Variants in NOL3 observed in about 807,000 individuals in gnomAD.
NOL3 encodes nucleolar protein 3, also known as muscle-enriched cytoplasmic protein.
NOL3 carries 18 observed loss-of-function variants against 19.2 expected under a neutral mutation model. That is an observed-to-expected ratio of 0.94 (90% CI 0.65 to 1.39). NOL3 has a LOEUF of 1.39. Ranked by LOEUF, NOL3 falls within the 40% of genes most tolerant of loss-of-function variation. The probability of loss-of-function intolerance (pLI) is 0.00; values close to 1 mark genes in which losing one functional copy is unlikely to be tolerated. For missense variants in NOL3, 290 were observed against 289.5 expected (o/e 1.00, Z -0.01); for synonymous variants, 127 against 137.3 (o/e 0.93, Z 0.52).
chr16:67,174,445 C>A, exon 2 of NOL3: 1 of 1,509,844 alleles, frequency 6.6e-7, no homozygotes, highest in Non-Finnish European at 8.8e-7. Context: ...CCGCTTGGGA[C>A]TGGCAGCACG....
chr16:67,174,156 A>G lies in NOL3; in HGVS notation c.-8-6A>G. 6.2e-7 allele frequency: 1 copy of G among 1,605,936 alleles called. No individual in the cohort carries two copies. The highest frequency in any genetic ancestry group is 1.7e-4 in the Middle Eastern group (1 of 6,034). ...CCCATTACTTCTCTCCCCTTTCCCC[A>G]TGCAGCCCCGACAATGGGCAACGCG... is the stretch of plus-strand genomic sequence containing the variant. On this transcript the variant is annotated splice_region_variant and splice_polypyrimidine_tract_variant and intron_variant, in intron 1 of 3. Transcript: ENST00000268605.
At chr16:67,175,240 T>C (rs772371544) in exon 4 of NOL3, 3 of 1,487,204 alleles carry the variant, frequency 2.0e-6, no homozygotes, top group Non-Finnish European at 2.7e-6. Flanking sequence ...GAACTTAGGG[T>C]GGGTACCTCT....
exon 4 of NOL3, chr16:67,175,399 C>A: frequency 8.6e-7 from 1 of 1,168,372 alleles, no homozygotes; most frequent in Non-Finnish European, 1.1e-6. Context: ...TGCCCGCATA[C>A]ACAACCCATT....
At chr16:67,173,752 G>A (rs920947053) in intron 1 of NOL3, 1 of 940,444 alleles carries the variant, frequency 1.1e-6, no homozygotes, top group Non-Finnish European at 1.6e-6. Context: ...CTGGTTAGGT[G>A]GGGAAGCAGA....
At chr16:67,172,608 C>CAA (rs5817617) in intron 1 of NOL3, among the ~76,000 whole-genome samples, 7,638 of 120,054 alleles carry the variant, frequency 0.064, 612 homozygotes, top group African/African-American at 0.19. Flanking sequence ...GAGACTCTGT[C>CAA]AAAAAAAAAA....
At chr16:67,174,021 G>A (rs1343006428) in intron 1 of NOL3, 141 bp from the exon 2 acceptor site, 2 of 1,546,706 alleles carry the variant, frequency 1.3e-6, no homozygotes, top group Non-Finnish European at 8.7e-7. Flanking sequence ...CTGTGCTTGC[G>A]GAGCCGTCCG....
Position 67,174,227 on chromosome 16 carries a change from GT to G in NOL3, c.59del (p.Val20AlafsTer204), listed in dbSNP as rs772626874. ...TATCGACCGCGAGCGGAAACGCCTG[GT>G]CGAGACGCTGCAGGCGGACTCGGGA... is the stretch of plus-strand genomic sequence containing the variant. On this transcript the variant is annotated frameshift_variant, in exon 2 of 4. Transcript: ENST00000268605. LOFTEE classifies it high-confidence loss of function. 12 of 1,613,098 alleles carry G rather than the reference GT, an allele frequency of 7.4e-6. No homozygotes were observed. Among genetic ancestry groups the G allele is most frequent in the Non-Finnish European group, 6.8e-6 (8 of 1,179,878 alleles).
intron 3 of NOL3, 21 bp downstream of exon 3, chr16:67,174,965 T>C (rs764519939): frequency 2.5e-6 from 4 of 1,609,132 alleles, no homozygotes; most frequent in African/African-American, 1.3e-5. Flanking sequence ...GCCCAAACCC[T>C]GAGCCGGCTT....
At chr16:67,175,111 G>C (rs1046660611) in exon 4 of NOL3, 1 of 1,613,948 alleles carries the variant, frequency 6.2e-7, no homozygotes, top group Admixed American at 1.7e-5. Context: ...CTGGGATGCT[G>C]CTGGAGCTGA....
At chr16:67,174,530 G>T (rs1458869657) in intron 2 of NOL3, 66 bp downstream of exon 2, 1 of 1,473,552 alleles carries the variant, frequency 6.8e-7, no homozygotes, top group Middle Eastern at 2.5e-4. Flanking sequence ...AAGGCCCGGG[G>T]AGGGCAGGGT....
rs547545530 is a variant in NOL3 at position 67,174,823 on chromosome 16, A to ACCGGAG, written c.507_512dup (p.Pro173_Glu174dup). Reference sequence around the variant, plus strand: ...AAGCTGAGGCCTCTAAAGAGGCTGAACCGGAGCCGGAGCCAGAGCCAGAGC... The same window carrying ACCGGAG: ...AAGCTGAGGCCTCTAAAGAGGCTGAACCGGAGCCGGAGCCGGAGCCAGAGCCAGAGC... On this transcript the variant is annotated inframe_insertion, in exon 3 of 4. Transcript: ENST00000268605. 1,434 of 1,603,858 alleles carry ACCGGAG rather than the reference A, an allele frequency of 8.9e-4. 12 individuals are homozygous for ACCGGAG. The African/African-American group carries it at 0.018, about 20-fold the overall frequency.
At chr16:67,175,322 A>AG in exon 4 of NOL3, 1 of 1,378,464 alleles carries the variant, frequency 7.3e-7, no homozygotes, top group Non-Finnish European at 9.3e-7. Flanking sequence ...ATCTGCCCTT[A>AG]GGAGTCCAGG....
At chr16:67,174,701 G>A (rs1422270641) in exon 3 of NOL3, 7 of 1,605,626 alleles carry the variant, frequency 4.4e-6, no homozygotes, top group East Asian at 2.2e-5. Flanking sequence ...CACATGCCCC[G>A]GGTTGCCCAG....
At chr16:67,174,279 G>T in exon 2 of NOL3, 2 of 1,611,772 alleles carry the variant, frequency 1.2e-6, no homozygotes, top group Non-Finnish European at 1.7e-6. Context: ...CTGCTGGCGC[G>T]GGGCGTGCTC....
chr16:67,175,255 C>G, exon 4 of NOL3: 1 of 1,467,036 alleles, frequency 6.8e-7, no homozygotes, highest in Non-Finnish European at 9.0e-7. Flanking sequence ...ACCTCTGAGT[C>G]CCAGGGACCT....
intron 1 of NOL3, among the ~76,000 whole-genome samples, chr16:67,173,599 G>T (rs1420557650): frequency 2.6e-5 from 4 of 152,184 alleles, no homozygotes; most frequent in Non-Finnish European, 5.9e-5. Context: ...CTGATCCTGG[G>T]TTCTGCAGGG....
intron 1 of NOL3, chr16:67,173,929 A>G (rs2031930893): frequency 3.9e-6 from 6 of 1,536,236 alleles, no homozygotes; most frequent in African/African-American, 1.4e-5. Context: ...TTGGGGACAG[A>G]AGGAGGAGCC....
At chr16:67,174,520 A>G in intron 2 of NOL3, 56 bp downstream of exon 2, 1 of 1,467,840 alleles carries the variant, frequency 6.8e-7, no homozygotes, top group African/African-American at 1.4e-5. Context: ...GGGCAGACAA[A>G]AGGCCCGGGG....
chr16:67,174,440 T>A lies in NOL3; in HGVS notation c.271T>A (p.Trp91Arg), dbSNP rs890297324. ...TACCGCGGGCGCGCCGGACCCCGCT[T>A]GGGACTGGCAGCACGTGGGTCCGGG... Residue 91 changes from tryptophan to arginine, a missense_variant, in exon 2 of 4, where the codon TGG (tryptophan) becomes AGG (arginine). Trp to Arg is a moderately radical substitution (Grantham distance 101, BLOSUM62 -3). Around this residue, in one of 3 missense-constraint regions of NOL3, gnomAD observed 153 missense variants for 149.4 expected, o/e 1.02. Coordinates refer to ENST00000268605, the Ensembl canonical transcript of NOL3. 2.0e-6 allele frequency: 3 copies of A among 1,513,688 alleles called. No individual in the cohort carries two copies. In the African/African-American group the frequency reaches 4.1e-5, roughly 21 times the overall value. 93.8% of individuals were successfully genotyped at this position (1,513,688 alleles called of 1,614,324 possible). A position where few individuals can be genotyped will look rare whatever the true frequency, so the allele number is the denominator to read the frequency against.
Sources: allele counts gnomAD v4.1 joint callset (sites outside exome capture counted in the v4.1 genomes callset), GRCh38; gene constraint gnomAD v4.1.1; regional missense constraint gnomAD v4.1.1; transcripts MANE v1.5; gene names NCBI Gene and HGNC (gene_info 2026-07-23, HGNC 2026-07-21).